GABRB1: variants seen among roughly 807,000 people sequenced by gnomAD.
The protein encoded by GABRB1 is gamma-aminobutyric acid receptor subunit beta-1.
Under a neutral mutation model 51.6 loss-of-function variants are expected in GABRB1, and 17 were observed. That is an observed-to-expected ratio of 0.33 (90% confidence interval 0.23 to 0.49). The LOEUF is 0.49. GABRB1 is among the 20% of genes least tolerant of loss of function. The probability of loss-of-function intolerance (pLI) is 0.99; values close to 1 mark genes in which losing one functional copy is unlikely to be tolerated. For synonymous variants in GABRB1, 247 were observed against 218.9 expected, an observed-to-expected ratio of 1.13 and a Z score of -1.14; for missense variants, 410 against 600.6, an observed-to-expected ratio of 0.68 and a Z score of 3.32.
intron 3 of GABRB1, among the ~76,000 whole-genome samples, chr4:47,109,271 A>G (rs1715118853): frequency 6.6e-6 from 1 of 152,126 alleles, no homozygotes; most frequent in Non-Finnish European, 1.5e-5. Flanking sequence ...AATGGAATAG[A>G]ACAAATAACA....
chr4:47,300,866 A>C (rs745470977), intron 4 of GABRB1, among the ~76,000 whole-genome samples: 17 of 152,292 alleles, frequency 1.1e-4, no homozygotes, highest in Non-Finnish European at 1.9e-4. Flanking sequence ...CAAAGAGGCT[A>C]TACAGATACA....
intron 4 of GABRB1, among the ~76,000 whole-genome samples, chr4:47,274,274 A>G (rs1158849692): frequency 6.6e-6 from 1 of 152,180 alleles, no homozygotes; most frequent in African/African-American, 2.4e-5. Flanking sequence ...AATGTACATA[A>G]AATGTTTGAC....
chr4:47,222,515 C>G (rs532500407), intron 4 of GABRB1, among the ~76,000 whole-genome samples: 3 of 152,060 alleles, frequency 2.0e-5, no homozygotes, highest in Non-Finnish European at 4.4e-5. Flanking sequence ...TGGAATGCTG[C>G]CACCATGTGA....
At chr4:47,256,597 G>T (rs111905320) in intron 4 of GABRB1, among the ~76,000 whole-genome samples, 1,888 of 152,302 alleles carry the variant, frequency 0.012, 16 homozygotes, top group Non-Finnish European at 0.017. Flanking sequence ...GGCTGTACAG[G>T]TAGCATGGCT....
chr4:47,248,924 T>C (rs377489953), intron 4 of GABRB1, among the ~76,000 whole-genome samples: 9 of 152,104 alleles, frequency 5.9e-5, no homozygotes, highest in East Asian at 5.8e-4. Flanking sequence ...TTGCTAATGG[T>C]CTATCAATTT....
At chr4:47,272,075 T>C (rs1722895045) in intron 4 of GABRB1, among the ~76,000 whole-genome samples, 1 of 152,186 alleles carries the variant, frequency 6.6e-6, no homozygotes, top group African/African-American at 2.4e-5. Flanking sequence ...TAACTACCCG[T>C]GTTCCTCTCT....
chr4:47,144,299 C>G (rs1211640496), intron 3 of GABRB1, among the ~76,000 whole-genome samples: 1 of 151,946 alleles, frequency 6.6e-6, no homozygotes, highest in Non-Finnish European at 1.5e-5. Context: ...GAAATTTATT[C>G]CCTCTGAGTT....
chr4:47,243,670 A>T (rs1721624110), intron 4 of GABRB1, among the ~76,000 whole-genome samples: 1 of 152,196 alleles, frequency 6.6e-6, no homozygotes, highest in Admixed American at 6.5e-5. Flanking sequence ...GAGTTCACTC[A>T]TGATTTGGCT....
intron 4 of GABRB1, among the ~76,000 whole-genome samples, chr4:47,267,997 A>G (rs1722707385): frequency 6.6e-6 from 1 of 152,172 alleles, no homozygotes; most frequent in African/African-American, 2.4e-5. Flanking sequence ...GGTTCCAGGA[A>G]GAAAACTTAA....
intron 5 of GABRB1, among the ~76,000 whole-genome samples, chr4:47,331,824 C>T (rs977482601): frequency 2.0e-5 from 3 of 152,106 alleles, no homozygotes; most frequent in Non-Finnish European, 4.4e-5. Context: ...AGAAGAAAAT[C>T]GAACCATCAA....
At chr4:47,371,720 G>A (rs992328549) in intron 5 of GABRB1, among the ~76,000 whole-genome samples, 1 of 152,022 alleles carries the variant, frequency 6.6e-6, no homozygotes, top group Non-Finnish European at 1.5e-5. Context: ...TTGTTTGTTG[G>A]CTGCATGAAT....
intron 3 of GABRB1, among the ~76,000 whole-genome samples, chr4:47,034,855 T>C (rs1725482921): frequency 6.6e-6 from 1 of 152,126 alleles, no homozygotes; most frequent in Non-Finnish European, 1.5e-5. Context: ...CTAATATAAA[T>C]AGGGTAGGAA....
intron 4 of GABRB1, among the ~76,000 whole-genome samples, chr4:47,299,682 C>T (rs13113904): frequency 3.9e-5 from 6 of 151,948 alleles, no homozygotes; most frequent in Non-Finnish European, 1.5e-5. Flanking sequence ...GTCAGTGTGG[C>T]GATTCCTCAG....
At chr4:47,066,211 A>T (rs897481794) in intron 3 of GABRB1, among the ~76,000 whole-genome samples, 35 of 152,252 alleles carry the variant, frequency 2.3e-4, no homozygotes, top group African/African-American at 8.0e-4. Context: ...CAATAGCATT[A>T]TGTCTATAAA....
At chr4:47,138,010 C>A (rs1716747258) in intron 3 of GABRB1, among the ~76,000 whole-genome samples, 1 of 151,970 alleles carries the variant, frequency 6.6e-6, no homozygotes, top group South Asian at 2.1e-4. Context: ...GTTAAGTTGT[C>A]CAGAAAAAGT....
rs200517048 is a variant in GABRB1, at chr4:47,154,262, T to TG, written c.241-6987_241-6986insG. Among the ~76,000 whole-genome samples, 571 of 151,516 alleles carry TG rather than the reference T, an allele frequency of 3.8e-3. 7 individuals carry two copies. Among genetic ancestry groups the TG allele is most frequent in the Admixed American group, 0.021 (315 of 15,180 alleles). ...GTCACATACAAATTATGGTTGTTTT[T>TG]TTTTTTTTTTCTTATCCTAAGGGGC... On this transcript the variant is annotated intron_variant, in intron 3 of 8. Transcript: ENST00000295454.
intron 4 of GABRB1, among the ~76,000 whole-genome samples, chr4:47,173,809 A>G (rs1421876835): frequency 6.6e-6 from 1 of 152,134 alleles, no homozygotes; most frequent in Non-Finnish European, 1.5e-5. Flanking sequence ...CAATTTCATC[A>G]CACTGCTGCC....
intron 4 of GABRB1, among the ~76,000 whole-genome samples, chr4:47,180,887 G>A (rs1332234955): frequency 6.6e-6 from 1 of 151,842 alleles, no homozygotes; most frequent in African/African-American, 2.4e-5. Context: ...ACTATCTTTT[G>A]AATTAAGATT....
intron 4 of GABRB1, among the ~76,000 whole-genome samples, chr4:47,208,208 A>C (rs907329392): frequency 6.6e-6 from 1 of 152,104 alleles, no homozygotes; most frequent in Non-Finnish European, 1.5e-5. Flanking sequence ...CCTTGAAAAC[A>C]TAATGCTAAG....
Sources: gnomAD v4.1 joint callset for allele counts (sites outside exome capture counted in the v4.1 genomes callset) on GRCh38, gnomAD v4.1.1 for gene constraint, MANE v1.5 for transcripts, NCBI Gene and HGNC (gene_info 2026-07-23, HGNC 2026-07-21) for gene names.